Variants in KCNE2 observed in about 807,000 individuals in gnomAD.
KCNE2 encodes the protein potassium voltage-gated channel subfamily E member 2.
A neutral mutation model predicts 4.5 loss-of-function variants in KCNE2; 4 were observed. That is an observed-to-expected ratio of 0.89 (90% confidence interval 0.44 to 2.03). The LOEUF is 2.03. KCNE2 is among the 30% of genes most tolerant of loss of function. KCNE2 has a pLI of 0.03. For synonymous variants in KCNE2, 57 were observed against 55.9 expected, an observed-to-expected ratio of 1.02 and a Z score of -0.09; for missense variants, 137 against 151.4, an observed-to-expected ratio of 0.90 and a Z score of 0.50.
chr21:34,368,226 C>CT (rs1211215644), intron 1 of KCNE2, among the ~76,000 whole-genome samples: 61 of 63,218 alleles, frequency 9.6e-4, no homozygotes, highest in Non-Finnish European at 1.4e-3. Flanking sequence ...CACACACACA[C>CT]ACAATATATA....
rs142153692 is a variant in KCNE2 at position 34,370,518 on chromosome 21, G to A, written c.40G>A (p.Val14Ile). 1.9e-4 allele frequency: 311 copies of A among 1,614,166 alleles called. 2 individuals carry two copies. Among genetic ancestry groups the A allele is most frequent in the African/African-American group, 1.6e-3 (120 of 75,050 alleles). The change falls in exon 2 of 2, where the codon GTC becomes ATC. Residue 14 changes from valine (V) to isoleucine (I), a missense_variant. Coordinates refer to ENST00000290310, the MANE Select transcript of KCNE2 (RefSeq NM_172201.2). Reference sequence around the variant, plus strand: ...CAATTTCACACAGACGCTGGAAGACGTCTTCCGAAGGATTTTTATTACTTA... The same window carrying A: ...CAATTTCACACAGACGCTGGAAGACATCTTCCGAAGGATTTTTATTACTTA... ...LSNFTQTLED[V>I]FRRIFITYMD...
chr21:34,367,217 T>G (rs1603059889), intron 1 of KCNE2, among the ~76,000 whole-genome samples: 1 of 149,846 alleles, frequency 6.7e-6, no homozygotes, highest in East Asian at 2.0e-4. Context: ...TCCCAGCACC[T>G]TGGGAGGCTG....
intron 1 of KCNE2, among the ~76,000 whole-genome samples, chr21:34,366,784 C>T (rs746751802): frequency 2.5e-4 from 38 of 150,916 alleles, no homozygotes; most frequent in Non-Finnish European, 5.0e-4. Context: ...TCGAGACCAT[C>T]CTGGCTAACA....
In KCNE2 at chr21:34,370,902, C is replaced by A. The variant is rs1979564531; in HGVS notation, c.*52C>A. On this transcript the variant is annotated 3_prime_UTR_variant, in exon 2 of 2. Coordinates refer to ENST00000290310, the MANE Select transcript of KCNE2 (RefSeq NM_172201.2). ...TCTGACGTCCAGACATGAAGAGATG[C>A]CAGTGCCACGAGGCAAATCCAAATT... 6.2e-7 allele frequency: 1 copy of A among 1,610,018 alleles called. No homozygotes were observed.
chr21:34,366,712 G>A (rs1979308843), intron 1 of KCNE2, among the ~76,000 whole-genome samples: 1 of 152,026 alleles, frequency 6.6e-6, no homozygotes, highest in South Asian at 2.1e-4. Context: ...GGGCACGGTG[G>A]CTCACGCCTG....
At chr21:34,367,159 C>CA (rs35381423) in intron 1 of KCNE2, among the ~76,000 whole-genome samples, 1,533 of 79,644 alleles carry the variant, frequency 0.019, 18 homozygotes, top group African/African-American at 0.026. Context: ...GACCCCATCT[C>CA]AAAAAAAAAA....
At chr21:34,366,974 CAAAAAAAA>C (rs747133749) in intron 1 of KCNE2, among the ~76,000 whole-genome samples, 8 of 14,820 alleles carry the variant, frequency 5.4e-4, no homozygotes, top group African/African-American at 9.0e-4. Context: ...GACTCCATCT[CAAAAAAAA>C]AAAAAAAAAA....
chr21:34,364,021 G>GT lies in KCNE2; in HGVS notation c.-141dup, dbSNP rs1224706702. On this transcript the variant is annotated 5_prime_UTR_variant, in exon 1 of 2. An upstream open reading frame in the 5' UTR loses its in-frame stop. Coordinates refer to ENST00000290310, the MANE Select transcript of KCNE2 (RefSeq NM_172201.2). Reference sequence around the variant, plus strand: ...GACTGCAGTTGCAAGGGCTTAGATGGTTGTAAGGTGAAGGTGCCCAGCAGG... The same window carrying GT: ...GACTGCAGTTGCAAGGGCTTAGATGGTTTGTAAGGTGAAGGTGCCCAGCAGG... 6.6e-6 allele frequency: 1 copy of GT among 152,298 alleles called. No individual in the cohort carries two copies. The highest frequency in any genetic ancestry group is 1.5e-5 in the Non-Finnish European group (1 of 68,084). 9.4% of individuals were successfully genotyped at this position (152,298 alleles called of 1,614,324 possible). A position where few individuals can be genotyped will look rare whatever the true frequency, so the allele number is the denominator to read the frequency against.
chr21:34,367,104 C>T (rs1359185048), intron 1 of KCNE2, among the ~76,000 whole-genome samples: 1 of 147,548 alleles, frequency 6.8e-6, no homozygotes, highest in Non-Finnish European at 1.5e-5. Context: ...TGGTAACAAC[C>T]GGCTGGGCTT....
intron 1 of KCNE2, among the ~76,000 whole-genome samples, chr21:34,364,497 C>T (rs894202010): frequency 3.9e-4 from 59 of 152,048 alleles, no homozygotes; most frequent in East Asian, 3.9e-4. Context: ...GGGCTGGGCG[C>T]GGTGGCTCAC....
At chr21:34,368,221 ACACACACAATATATATATATATATAT>A (rs1350572806) in intron 1 of KCNE2, among the ~76,000 whole-genome samples, 37 of 88,240 alleles carry the variant, frequency 4.2e-4, no homozygotes, top group Admixed American at 4.1e-3. Context: ...ACACACACAC[ACACACACAATATATATATATATATAT>A]ATATATATAT....
At chr21:34,368,232 ATAT>A (rs1371870814) in intron 1 of KCNE2, among the ~76,000 whole-genome samples, 32 of 36,480 alleles carry the variant, frequency 8.8e-4, no homozygotes, top group Admixed American at 4.8e-3. Context: ...CACACACAAT[ATAT>A]ATATATATAT....
Position 34,370,730 on chromosome 21 carries a change from C to T in KCNE2, c.252C>T (p.Tyr84=), listed in dbSNP as rs1028976664. 4.3e-5 allele frequency: 69 copies of T among 1,614,062 alleles called. No individual in the cohort carries two copies. The highest frequency in any genetic ancestry group is 5.7e-5 in the Non-Finnish European group (67 of 1,180,034). ...GACGGGAACACTCCAATGACCCCTA[C>T]CACCAGTACATTGTAGAGGACTGGC... The part of the protein sequence containing the change: ...SKRREHSNDP[Y]HQYIVEDWQE... Residue 84 remains tyrosine, a synonymous_variant, in exon 2 of 2, where the codon TAC becomes TAT. Coordinates refer to ENST00000290310, the MANE Select transcript of KCNE2 (RefSeq NM_172201.2).
intron 1 of KCNE2, among the ~76,000 whole-genome samples, chr21:34,369,399 AG>A (rs1209830973): frequency 7.2e-5 from 11 of 152,044 alleles, no homozygotes; most frequent in Non-Finnish European, 2.9e-5. Context: ...AAAATACAAA[AG>A]TTAGCCAGGC....
intron 1 of KCNE2, among the ~76,000 whole-genome samples, chr21:34,367,584 G>A (rs2123420499): frequency 6.6e-6 from 1 of 152,310 alleles, no homozygotes; most frequent in East Asian, 1.9e-4. Flanking sequence ...ACATCAGACA[G>A]AGAAGAGTAT....
chr21:34,368,608 A>G (rs1429965669), intron 1 of KCNE2, among the ~76,000 whole-genome samples: 1 of 152,110 alleles, frequency 6.6e-6, no homozygotes, highest in African/African-American at 2.4e-5. Context: ...TCAAAAAAAC[A>G]AAAAATTTTT....
intron 1 of KCNE2, among the ~76,000 whole-genome samples, chr21:34,365,916 G>A (rs1314698027): frequency 5.3e-5 from 8 of 152,236 alleles, no homozygotes; most frequent in East Asian, 3.8e-4. Context: ...TCATGCATCC[G>A]TATTCAAAAG....
chr21:34,370,338 T>A, intron 1 of KCNE2, 129 bp from the exon 2 acceptor site: 1 of 1,097,992 alleles, frequency 9.1e-7, no homozygotes, highest in Admixed American at 2.1e-5. Flanking sequence ...ATGCATTAAA[T>A]CACCAGCCAG....
chr21:34,368,233 T>C (rs1178565284), intron 1 of KCNE2, among the ~76,000 whole-genome samples: 1,092 of 50,556 alleles, frequency 0.022, 22 homozygotes, highest in African/African-American at 0.056. Flanking sequence ...ACACACAATA[T>C]ATATATATAT....
Sources: gnomAD v4.1 joint callset for allele counts (sites outside exome capture counted in the v4.1 genomes callset) on GRCh38, gnomAD v4.1.1 for gene constraint, MANE v1.5 for transcripts, NCBI Gene and HGNC (gene_info 2026-07-23, HGNC 2026-07-21) for gene names.